ZNF567: variants seen among roughly 807,000 people sequenced by gnomAD.
ZNF567 encodes zinc finger protein 567.
ZNF567 carries 36 observed loss-of-function variants against 53.9 expected under a neutral mutation model. The observed-to-expected ratio is 0.67, with a 90% confidence interval of 0.51 to 0.88. ZNF567 has a LOEUF of 0.88. ZNF567 is among the 40% of genes least tolerant of loss of function. ZNF567 has a pLI of 0.00. For synonymous variants in ZNF567, 224 were observed against 260.4 expected (o/e 0.86, Z 1.35); for missense variants, 619 against 764.7 (o/e 0.81, Z 2.25).
chr19:36,677,458 C>CAAAA, the ZNF567 span, among the ~76,000 whole-genome samples: 5 of 50,912 alleles, frequency 9.8e-5, no homozygotes, highest in Admixed American at 6.7e-4. Context: ...GACTCTGTCT[C>CAAAA]AAAAAAAAAA....
chr19:36,682,490 C>T, the ZNF567 span, among the ~76,000 whole-genome samples: 2 of 150,852 alleles, frequency 1.3e-5, no homozygotes, highest in East Asian at 3.9e-4. Flanking sequence ...TAATGGTTAA[C>T]TTTGAGGTAT....
At position 36,695,903 on chromosome 19, in the gene ZNF567, A is replaced by G. The variant is rs139001208; in HGVS notation, c.9+1027A>G. Among the ~76,000 whole-genome samples the G allele has an allele frequency of 3.3e-5, 5 of 152,322 alleles. No individual in the cohort carries two copies. The East Asian group carries it at 7.7e-4, about 23-fold the overall frequency. On this transcript the variant is annotated intron_variant, in intron 3 of 5. Transcript: ENST00000682579. ...GATGGTAGTGAAATTGACAGAATTT[A>G]TATAGAATTAGTAAGTAGCAAGAAG...
At chr19:36,686,177 A>G (rs560291389), upstream of ZNF567, among the ~76,000 whole-genome samples, 87 of 152,350 alleles carry the variant, frequency 5.7e-4, no homozygotes, top group Non-Finnish European at 1.0e-3. Flanking sequence ...AGGAGGAGAA[A>G]AAATACTCCC....
At position 36,719,975 on chromosome 19, in the gene ZNF567, G is replaced by A; in HGVS notation, c.1251G>A (p.Gly417=). 6.2e-7 allele frequency: 1 copy of A among 1,613,538 alleles called. No homozygotes were observed. The highest frequency in any genetic ancestry group is 1.6e-4 in the Middle Eastern group (1 of 6,062). The change falls in exon 6 of 6, where the codon GGG becomes GGA. Residue 417 remains glycine, a synonymous_variant. Transcript: ENST00000682579. ...NLTVHQRTHT[G]EKPYICNECG... is the part of the protein sequence containing the mutation. ...CTGTACATCAGAGAACTCATACAGG[G>A]GAAAAGCCCTATATTTGTAATGAAT...
At chr19:36,696,324 C>T (rs547908498) in intron 3 of ZNF567, among the ~76,000 whole-genome samples, 1 of 152,278 alleles carries the variant, frequency 6.6e-6, no homozygotes, top group African/African-American at 2.4e-5. Context: ...TTACACTCTC[C>T]TGTTCACTAC....
intron 3 of ZNF567, chr19:36,711,755 T>G (rs1289476202): frequency 1.3e-5 from 2 of 152,294 alleles, no homozygotes; most frequent in Non-Finnish European, 2.9e-5. Flanking sequence ...TTTACTTACA[T>G]TTTCTTGCAA....
chr19:36,709,489 A>G (rs1568702452), intron 3 of ZNF567, among the ~76,000 whole-genome samples: 1 of 149,114 alleles, frequency 6.7e-6, no homozygotes, highest in Non-Finnish European at 1.5e-5. Context: ...AGGCCCCACC[A>G]CCCCTTCCCC....
At chr19:36,678,599 C>T in the ZNF567 span, among the ~76,000 whole-genome samples, 2 of 152,048 alleles carry the variant, frequency 1.3e-5, no homozygotes, top group African/African-American at 4.8e-5. Context: ...AATCTCAGCA[C>T]TCTGGGAGGC....
intron 3 of ZNF567, among the ~76,000 whole-genome samples, chr19:36,697,036 A>AT (rs1212306497): frequency 6.6e-6 from 1 of 152,208 alleles, no homozygotes; most frequent in Non-Finnish European, 1.5e-5. Context: ...GTATATAGAC[A>AT]TTTCATTAGG....
In ZNF567 at chr19:36,720,523, A is replaced by G. The variant is rs776937664; in HGVS notation, c.1799A>G (p.Gln600Arg). ...AGTGAATGTGGAAAGTGCTTCCGCC[A>G]GAAGACAAATCTTATTGTACATCAG... ...KCSECGKCFR[Q>R]KTNLIVHQRT... is the part of the protein sequence containing the mutation. The change falls in exon 6 of 6, where the codon CAG (glutamine) becomes CGG (arginine). Residue 600 changes from glutamine to arginine, a missense_variant. Coordinates refer to ENST00000682579, the MANE Select transcript of ZNF567 (RefSeq NM_001322917.1). 9.9e-6 allele frequency: 16 copies of G among 1,614,044 alleles called. No homozygotes were observed. Among genetic ancestry groups the G allele is most frequent in the Non-Finnish European group, 1.1e-5 (13 of 1,180,022 alleles).
At chr19:36,705,133 T>C (rs2039425899) in intron 3 of ZNF567, among the ~76,000 whole-genome samples, 1 of 152,206 alleles carries the variant, frequency 6.6e-6, no homozygotes, top group South Asian at 2.1e-4. Context: ...GTTGATCTTT[T>C]CAAAGTACCA....
chr19:36,713,940 A>C (rs941809771), intron 5 of ZNF567, among the ~76,000 whole-genome samples: 10 of 152,126 alleles, frequency 6.6e-5, no homozygotes, highest in African/African-American at 2.4e-4. Flanking sequence ...ATTTCAAAAA[A>C]AATAATAATA....
At chr19:36,702,659 C>T (rs1427773057) in intron 3 of ZNF567, among the ~76,000 whole-genome samples, 5 of 152,120 alleles carry the variant, frequency 3.3e-5, no homozygotes, top group Non-Finnish European at 7.3e-5. Context: ...TCCCTTCTTG[C>T]TTCATTTCAT....
At chr19:36,716,020 G>A (rs1178741086) in intron 5 of ZNF567, among the ~76,000 whole-genome samples, 2 of 151,968 alleles carry the variant, frequency 1.3e-5, no homozygotes, top group African/African-American at 4.8e-5. Flanking sequence ...ATTTATTACT[G>A]GAATTACCAT....
intron 3 of ZNF567, among the ~76,000 whole-genome samples, chr19:36,699,212 G>A (rs906337546): frequency 3.9e-5 from 6 of 152,070 alleles, no homozygotes; most frequent in African/African-American, 1.4e-4. Context: ...TCTCAGATTT[G>A]TCAAAGCTCA....
At chr19:36,713,752 T>A (rs2039905940) in intron 5 of ZNF567, among the ~76,000 whole-genome samples, 1 of 152,032 alleles carries the variant, frequency 6.6e-6, no homozygotes, top group Non-Finnish European at 1.5e-5. Context: ...CTGGCCAACA[T>A]AATGAAACCC....
chr19:36,719,083 T>C lies in ZNF567; in HGVS notation c.359T>C (p.Leu120Pro). ...AAAATATATGAAAAGACATTTACTC[T>C]AGGCAAAAACCCTGTGAATTCAAAA... ...KSKIYEKTFT[L>P]GKNPVNSKNL... Residue 120 changes from leucine to proline, a missense_variant, in exon 6 of 6, where the codon CTA becomes CCA. Physicochemically the swap from Leu to Pro is moderately conservative, Grantham distance 98. Transcript: ENST00000682579. 1 of 1,612,700 alleles carries C rather than the reference T, an allele frequency of 6.2e-7. No individual in the cohort carries two copies. Among genetic ancestry groups the C allele is most frequent in the African/African-American group, 1.3e-5 (1 of 74,974 alleles).
chr19:36,686,031 G>A (rs150991934), upstream of ZNF567: 2 of 152,314 alleles, frequency 1.3e-5, no homozygotes, highest in African/African-American at 4.8e-5. Flanking sequence ...GGCAGGAAAA[G>A]GGGAAGAGAA....
intron 3 of ZNF567, among the ~76,000 whole-genome samples, chr19:36,696,692 T>C (rs987578081): frequency 1.3e-5 from 2 of 152,240 alleles, no homozygotes; most frequent in African/African-American, 4.8e-5. Flanking sequence ...TTTCTCATAG[T>C]GGTCACTTGT....
Sources: gnomAD v4.1 joint callset for allele counts (sites outside exome capture counted in the v4.1 genomes callset) on GRCh38, gnomAD v4.1.1 for gene constraint, MANE v1.5 for transcripts, NCBI Gene and HGNC (gene_info 2026-07-23, HGNC 2026-07-21) for gene names.